Variants in PPAN observed in about 807,000 individuals in gnomAD.
PPAN encodes the protein suppressor of SWI4 1 homolog.
A neutral mutation model predicts 48.5 loss-of-function variants in PPAN; 39 were observed. That is an observed-to-expected ratio of 0.80 (90% CI 0.62 to 1.05). PPAN has a LOEUF of 1.05. PPAN is among the 50% of genes least tolerant of loss of function. The probability of loss-of-function intolerance (pLI) is 0.00; values close to 1 mark genes in which losing one functional copy is unlikely to be tolerated. For missense variants in PPAN, 736 were observed against 661.7 expected (o/e 1.11, Z -1.23); for synonymous variants, 315 against 268.6 (o/e 1.17, Z -1.69).
In PPAN at chr19:10,110,316, C is replaced by G; in HGVS notation, c.823-8C>G. ...CGGTGGGCTGACGCTTCTTCCTCGT[C>G]CCCTCAGATCGGCCCGCGGATGACA... On this transcript the variant is annotated splice_region_variant and splice_polypyrimidine_tract_variant and intron_variant, in intron 8 of 11. Transcript: ENST00000253107. This position sits in a 1 kb window ranked among gnomAD's most constrained non-coding sequence, Gnocchi z 5.9. The G allele has an allele frequency of 6.2e-7, 1 of 1,613,756 alleles. No homozygotes were observed. Among genetic ancestry groups the G allele is most frequent in the Non-Finnish European group, 8.5e-7 (1 of 1,179,934 alleles).
intron 6 of PPAN, 50 bp from the exon 7 acceptor site, chr19:10,109,863 C>G (rs777265741): frequency 6.2e-7 from 1 of 1,608,208 alleles, no homozygotes; most frequent in Non-Finnish European, 8.5e-7. Flanking sequence ...CCGCCAGCCC[C>G]ATCACGTGCC....
chr19:10,106,788 A>G, intron 2 of PPAN, 117 bp downstream of exon 2: 4 of 1,405,710 alleles, frequency 2.8e-6, no homozygotes, highest in Non-Finnish European at 2.8e-6. Context: ...CTGGAAAAAA[A>G]GACCCTCATG....
At chr19:10,109,823 T>G in intron 6 of PPAN, 90 bp from the exon 7 acceptor site, 1 of 1,594,110 alleles carries the variant, frequency 6.3e-7, no homozygotes, top group Non-Finnish European at 8.6e-7. Flanking sequence ...GTAAACGCCC[T>G]GACGCACTGT....
rs1007657270 is a variant in PPAN at position 10,111,891 on chromosome 19, C to A, written c.*726C>A. On this transcript the variant is annotated 3_prime_UTR_variant, in exon 12 of 12. Transcript: ENST00000253107. The stretch of plus-strand genomic sequence containing the variant: ...CTTTGGGAGGTCGAGGGGGGTGGAA[C>A]ACGAGGTCAGGGGTTCGAGACCACC... 4.4e-5 allele frequency: 37 copies of A among 838,322 alleles called. No individual in the cohort carries two copies. The African/African-American group carries it at 4.5e-4, about 10-fold the overall frequency. 51.9% of individuals were successfully genotyped at this position (838,322 alleles called of 1,614,324 possible).
chr19:10,106,842 T>A, intron 2 of PPAN, 171 bp downstream of exon 2: 1 of 1,112,232 alleles, frequency 9.0e-7, no homozygotes. Context: ...TGGGCTGGAG[T>A]GAGGGCGCGC....
intron 5 of PPAN, 51 bp downstream of exon 5, chr19:10,108,185 G>A: frequency 6.4e-7 from 1 of 1,561,704 alleles, no homozygotes; most frequent in Non-Finnish European, 8.7e-7. Flanking sequence ...AGCGGATAGA[G>A]GTGCCACAGG....
chr19:10,111,081 C>A lies in PPAN; in HGVS notation c.1338C>A (p.Ala446=). Residue 446 remains alanine (A), a synonymous_variant, in exon 12 of 12, where the codon GCC becomes GCA. Transcript: ENST00000253107. ...AGACCAAGGACAAGTCCCAGGGAGC[C>A]CAGGCCAGGCGGGGGCCCAGAGGGG... ...FPKTKDKSQG[A]QARRGPRGAS... 1 of 1,612,920 alleles carries A rather than the reference C, an allele frequency of 6.2e-7. No homozygotes were observed. The highest frequency in any genetic ancestry group is 1.1e-5 in the South Asian group (1 of 91,000).
At position 10,110,412 on chromosome 19, in the gene PPAN, G is replaced by C. The variant is rs2089008065; in HGVS notation, c.901+10G>C. 1 of 1,613,166 alleles carries C rather than the reference G, an allele frequency of 6.2e-7. No homozygotes were observed. The stretch of plus-strand genomic sequence containing the variant: ...ATGTTCCACAGTTTTGGTGAGGCCG[G>C]GGCCGCCGGGGGTGGGGGGTCATGG... On this transcript the variant is annotated intron_variant, in intron 9 of 11. Coordinates refer to ENST00000253107, the MANE Select transcript of PPAN (RefSeq NM_020230.7). This position sits in a 1 kb window ranked among gnomAD's most constrained non-coding sequence, Gnocchi z 5.9.
At chr19:10,109,854 C>T (rs1481684023) in intron 6 of PPAN, 59 bp from the exon 7 acceptor site, 16 of 1,603,746 alleles carry the variant, frequency 1.0e-5, no homozygotes, top group Non-Finnish European at 1.2e-5. Flanking sequence ...AGATGGGCAC[C>T]GCCAGCCCCA....
rs2089021418 is a variant in PPAN, at chr19:10,110,664, G to A, written c.1032-33G>A. 1.2e-6 allele frequency: 2 copies of A among 1,611,966 alleles called. No individual in the cohort carries two copies. The highest frequency in any genetic ancestry group is 1.3e-5 in the African/African-American group (1 of 74,844). On this transcript the variant is annotated intron_variant, in intron 10 of 11. Transcript: ENST00000253107. The surrounding 1 kb of genome is among the most constrained non-coding windows in gnomAD (Gnocchi z 5.9). ...GGGCCAAGGGGGGGTCCCTGGGATG[G>A]GCGGCTATGTTGACCCCCACGCCCT...
Position 10,107,515 on chromosome 19 carries a change from A to T in PPAN, c.200A>T (p.Lys67Met). ...LTASRLQVRKKNSLKDCVAVA... is the reference protein window; with the variant it reads ...LTASRLQVRKMNSLKDCVAVA... ...TTTTGTCATTTCCAGGTTCGTAAGA[A>T]GAACTCGCTGAAGGACTGCGTGGCA... Residue 67 changes from lysine to methionine, a missense_variant, in exon 3 of 12, where the codon AAG (lysine) becomes ATG (methionine). Transcript: ENST00000253107. 1.9e-6 allele frequency: 3 copies of T among 1,614,034 alleles called. No homozygotes were observed. The highest frequency in any genetic ancestry group is 2.5e-6 in the Non-Finnish European group (3 of 1,180,026).
intron 2 of PPAN, 79 bp from the exon 3 acceptor site, chr19:10,107,426 C>T: frequency 6.8e-7 from 1 of 1,480,686 alleles, no homozygotes; most frequent in Non-Finnish European, 9.2e-7. Context: ...CAGACCATAA[C>T]AGGATCTGCA....
At chr19:10,108,393 C>A (rs148770759) in intron 5 of PPAN, among the ~76,000 whole-genome samples, 3 of 152,086 alleles carry the variant, frequency 2.0e-5, no homozygotes, top group Non-Finnish European at 4.4e-5. Flanking sequence ...CTGTTTCCCA[C>A]GTGTGTTGAG....
rs1226662730 is a variant in PPAN, at chr19:10,111,029, G to T, written c.1286G>T (p.Gly429Val). 6.2e-7 allele frequency: 1 copy of T among 1,613,592 alleles called. No homozygotes were observed. The highest frequency in any genetic ancestry group is 8.5e-7 in the Non-Finnish European group (1 of 1,179,972). ...RKRWEMDRGR[G>V]RLCDQKFPKT... ...CGGTGGGAAATGGATCGAGGCAGGG[G>T]TCGCCTTTGTGACCAGAAGTTTCCC... The change falls in exon 12 of 12, where the codon GGT (glycine) becomes GTT (valine). Residue 429 changes from glycine to valine, a missense_variant. By Grantham distance (109) the Gly-to-Val change is moderately radical. Coordinates refer to ENST00000253107, the MANE Select transcript of PPAN (RefSeq NM_020230.7).
In PPAN at chr19:10,106,423, G is replaced by C; in HGVS notation, c.18+11G>C. The C allele has an allele frequency of 6.5e-7, 1 of 1,548,612 alleles. No individual in the cohort carries two copies. Among genetic ancestry groups the C allele is most frequent in the Non-Finnish European group, 8.7e-7 (1 of 1,145,094 alleles). ...GGACAGTCAGGGAGGGTAAGGCCCG[G>C]CAGCTTGGGAGGCAGGTGGCGCAGG... On this transcript the variant is annotated intron_variant, in intron 1 of 11. Coordinates refer to ENST00000253107, the MANE Select transcript of PPAN (RefSeq NM_020230.7).
Position 10,106,670 on chromosome 19 carries a change from A to T in PPAN, c.188A>T (p.Gln63Leu), listed in dbSNP as rs779615505. Reference sequence around the variant, plus strand: ...GAGCCGCTCACTGCCAGCCGTCTGCAGGTTTGTACCCCACCCCCAGCCCGC... The same window carrying T: ...GAGCCGCTCACTGCCAGCCGTCTGCTGGTTTGTACCCCACCCCCAGCCCGC... ...VMEPLTASRL[Q>L]VRKKNSLKDC... is the part of the protein sequence containing the mutation. The change falls in exon 2 of 12, where the codon CAG becomes CTG. Residue 63 changes from glutamine to leucine, a missense_variant and splice_region_variant. By Grantham distance (113) the Gln-to-Leu change is moderately radical (BLOSUM62 -2). Transcript: ENST00000253107. The T allele has an allele frequency of 6.5e-7, 1 of 1,529,374 alleles. No homozygotes were observed. The highest frequency in any genetic ancestry group is 2.4e-5 in the East Asian group (1 of 40,850). The allele number at this position is 1,529,374 out of a possible 1,614,324, so 94.7% of individuals were successfully genotyped here. A position where few individuals can be genotyped will look rare whatever the true frequency, so the allele number is the denominator to read the frequency against.
chr19:10,111,563 T>C lies in PPAN; in HGVS notation c.*398T>C, dbSNP rs1568487961. ...GAACCTCAGGAGGGTTGTGGCACAA[T>C]GAGGAAGGAAACGTGGGTGGAAAGG... On this transcript the variant is annotated 3_prime_UTR_variant, in exon 12 of 12. Coordinates refer to ENST00000253107, the MANE Select transcript of PPAN (RefSeq NM_020230.7). 8 of 822,490 alleles carry C rather than the reference T, an allele frequency of 9.7e-6. No homozygotes were observed. Among genetic ancestry groups the C allele is most frequent in the Non-Finnish European group, 1.6e-5 (8 of 502,238 alleles). 50.9% of individuals were successfully genotyped at this position (822,490 alleles called of 1,614,324 possible). A position where few individuals can be genotyped will look rare whatever the true frequency, so the allele number is the denominator to read the frequency against.
In PPAN at chr19:10,109,544, C is replaced by T. The variant is rs78448556; in HGVS notation, c.514-87C>T. 5,510 of 1,427,770 alleles carry T rather than the reference C, an allele frequency of 3.9e-3. 163 individuals are homozygous for T. The South Asian group carries it at 0.046, about 12-fold the overall frequency. The allele number at this position is 1,427,770 out of a possible 1,614,324, so 88.4% of individuals were successfully genotyped here. On this transcript the variant is annotated intron_variant, in intron 5 of 11. Coordinates refer to ENST00000253107, the MANE Select transcript of PPAN (RefSeq NM_020230.7). ...CATTTCTAGCCAGTGCCACAGTCCACGAACAGTGTGTGTATCCCCCAAAGC... is the reference window on the plus strand; with the variant it reads ...CATTTCTAGCCAGTGCCACAGTCCATGAACAGTGTGTGTATCCCCCAAAGC...
intron 2 of PPAN, 44 bp from the exon 3 acceptor site, chr19:10,107,461 A>C (rs759791644): frequency 6.6e-5 from 105 of 1,597,784 alleles, no homozygotes; most frequent in Admixed American, 2.4e-4. Context: ...TTGTCACAAC[A>C]AGGGATAAGC....
Sources: gnomAD v4.1 joint callset for allele counts (sites outside exome capture counted in the v4.1 genomes callset) on GRCh38, gnomAD v4.1.1 for gene constraint, Gnocchi (gnomAD v3.1) non-coding constraint, MANE v1.5 for transcripts, NCBI Gene and HGNC (gene_info 2026-07-23, HGNC 2026-07-21) for gene names.